The following GALNT2 variants were observed in gnomAD, a reference collection of about 807,000 sequenced individuals.
GALNT2 encodes the protein UDP-GalNAc:polypeptide N-acetylgalactosaminyltransferase 2.
In GALNT2, 31 loss-of-function variants were observed where a neutral mutation model predicts 81.4. That is an observed-to-expected ratio of 0.38 (90% CI 0.29 to 0.51). The LOEUF is 0.51. Ranked by LOEUF, GALNT2 falls within the 20% of genes least tolerant of loss-of-function variation. The pLI is 0.87. For missense variants in GALNT2, 629 were observed against 765.7 expected, an observed-to-expected ratio of 0.82 and a Z score of 2.11; for synonymous variants, 303 against 287.4, an observed-to-expected ratio of 1.05 and a Z score of -0.55.
chr1:230,209,585 T>A (rs1253688227), intron 3 of GALNT2, among the ~76,000 whole-genome samples: 1 of 152,218 alleles, frequency 6.6e-6, no homozygotes, highest in Non-Finnish European at 1.5e-5. Flanking sequence ...CTCATGCCTG[T>A]AATCCCAGCA....
At chr1:230,136,474 G>A (rs912012980) in intron 1 of GALNT2, among the ~76,000 whole-genome samples, 5 of 152,180 alleles carry the variant, frequency 3.3e-5, no homozygotes, top group African/African-American at 9.7e-5. Flanking sequence ...AGGCCTGTCT[G>A]CCGCGCTTTC....
At chr1:230,240,740 G>C (rs1665175909) in intron 6 of GALNT2, among the ~76,000 whole-genome samples, 1 of 151,952 alleles carries the variant, frequency 6.6e-6, no homozygotes, top group African/African-American at 2.4e-5. Flanking sequence ...CAAGTTTGCT[G>C]ATGTAAATTG....
intron 14 of GALNT2, among the ~76,000 whole-genome samples, chr1:230,265,676 A>G (rs1178439273): frequency 3.9e-5 from 6 of 152,194 alleles, no homozygotes; most frequent in Non-Finnish European, 8.8e-5. Context: ...CCTCTCGGCC[A>G]TGTGCACTCA....
At chr1:230,167,868 C>T (rs1298013769) in intron 1 of GALNT2, among the ~76,000 whole-genome samples, 4 of 152,156 alleles carry the variant, frequency 2.6e-5, no homozygotes, top group East Asian at 1.9e-4. Context: ...CTCCTCCCAC[C>T]TTTTTTTCTT....
At chr1:230,075,649 C>T (rs188271782) in intron 1 of GALNT2, among the ~76,000 whole-genome samples, 20 of 152,266 alleles carry the variant, frequency 1.3e-4, no homozygotes, top group East Asian at 9.7e-4. Flanking sequence ...GTAGCAGACA[C>T]GGAATCCTTG....
intron 3 of GALNT2, among the ~76,000 whole-genome samples, chr1:230,223,710 A>T (rs144510829): frequency 0.02 from 3,107 of 152,262 alleles, 110 homozygotes; most frequent in African/African-American, 0.07. Flanking sequence ...ACCTCAGGTG[A>T]TCCTCCTGCC....
At chr1:230,118,267 G>A (rs1247913169) in intron 1 of GALNT2, among the ~76,000 whole-genome samples, 1 of 152,172 alleles carries the variant, frequency 6.6e-6, no homozygotes, top group Non-Finnish European at 1.5e-5. Flanking sequence ...AGGACATCTT[G>A]GTTGTTTCAC....
chr1:230,057,989 A>T (rs1259503513), upstream of GALNT2: 14 of 455,976 alleles, frequency 3.1e-5, no homozygotes, highest in Non-Finnish European at 4.4e-5. Flanking sequence ...CTCTGATACA[A>T]GAGTGTACAC....
At chr1:230,253,681 G>A (rs1253555798) in intron 10 of GALNT2, among the ~76,000 whole-genome samples, 4 of 152,090 alleles carry the variant, frequency 2.6e-5, no homozygotes, top group Non-Finnish European at 4.4e-5. Flanking sequence ...ATGTTTTTGT[G>A]TTGGGAACAT....
chr1:230,114,208 G>A (rs962579034), intron 1 of GALNT2, among the ~76,000 whole-genome samples: 2 of 152,116 alleles, frequency 1.3e-5, no homozygotes, highest in African/African-American at 4.8e-5. Flanking sequence ...TCAGGGTCAG[G>A]TTTTCAGTTC....
At chr1:230,141,788 CTTTTT>C (rs60824749) in intron 1 of GALNT2, among the ~76,000 whole-genome samples, 65 of 101,320 alleles carry the variant, frequency 6.4e-4, no homozygotes, top group African/African-American at 7.2e-4. Flanking sequence ...TTTTGTTTTC[CTTTTT>C]TTTTTTTTTT....
At chr1:230,266,879 C>T (rs1462171519) in intron 14 of GALNT2, among the ~76,000 whole-genome samples, 1 of 152,230 alleles carries the variant, frequency 6.6e-6, no homozygotes, top group Admixed American at 6.5e-5. Context: ...TCAGCGTCAA[C>T]AGTCTCGATG....
chr1:230,220,463 C>T (rs1357619613), intron 3 of GALNT2, among the ~76,000 whole-genome samples: 1 of 151,934 alleles, frequency 6.6e-6, no homozygotes, highest in Non-Finnish European at 1.5e-5. Context: ...GTTGAAACTC[C>T]CGGGATGGTC....
intron 1 of GALNT2, among the ~76,000 whole-genome samples, chr1:230,125,968 CAG>C (rs1373354750): frequency 3.9e-5 from 6 of 152,320 alleles, no homozygotes; most frequent in Non-Finnish European, 8.8e-5. Context: ...ACCCAGTGCT[CAG>C]AGGTTGGGTG....
chr1:230,133,037 G>A (rs373500051), intron 1 of GALNT2, among the ~76,000 whole-genome samples: 6 of 152,190 alleles, frequency 3.9e-5, no homozygotes, highest in Non-Finnish European at 8.8e-5. Context: ...TAATATACTC[G>A]TGGTAACAAT....
rs999562425 is a variant in GALNT2 at position 230,271,084 on chromosome 1, T to C, written c.1441-3361T>C. Among the ~76,000 whole-genome samples the C allele has an allele frequency of 6.6e-6, 1 of 152,230 alleles. No homozygotes were observed. Among genetic ancestry groups the C allele is most frequent in the Non-Finnish European group, 1.5e-5 (1 of 68,038 alleles). ...TGCCAGGGACAGTCTGGAACCCTTC[T>C]CCATACCAGCGTTGTCCCTCTTACT... On this transcript the variant is annotated intron_variant, in intron 14 of 15. Coordinates refer to ENST00000366672, the MANE Select transcript of GALNT2 (RefSeq NM_004481.5). This position sits in a 1 kb window ranked among gnomAD's most constrained non-coding sequence, Gnocchi z 4.2.
At chr1:230,183,912 A>G (rs994846756) in intron 2 of GALNT2, among the ~76,000 whole-genome samples, 1 of 151,842 alleles carries the variant, frequency 6.6e-6, no homozygotes, top group Non-Finnish European at 1.5e-5. Context: ...TGGGAGGCGG[A>G]GGCTGCAGTG....
intron 1 of GALNT2, among the ~76,000 whole-genome samples, chr1:230,127,972 C>T (rs561639859): frequency 3.3e-5 from 5 of 151,822 alleles, no homozygotes; most frequent in East Asian, 1.9e-4. Flanking sequence ...TCTATCCCAG[C>T]GGCCCCCAAG....
intron 1 of GALNT2, among the ~76,000 whole-genome samples, chr1:230,122,354 T>C (rs1195107641): frequency 6.6e-6 from 1 of 152,106 alleles, no homozygotes; most frequent in Admixed American, 6.5e-5. Context: ...GTTCAGAAAA[T>C]CTGTTAAATA....
Sources: gnomAD v4.1 joint callset for allele counts (sites outside exome capture counted in the v4.1 genomes callset) on GRCh38, gnomAD v4.1.1 for gene constraint, Gnocchi (gnomAD v3.1) non-coding constraint, MANE v1.5 for transcripts, NCBI Gene and HGNC (gene_info 2026-07-23, HGNC 2026-07-21) for gene names.